The following GRIK4 variants were observed in gnomAD, a reference collection of about 807,000 sequenced individuals.
GRIK4 encodes the protein glutamate receptor ionotropic, kainate 4.
GRIK4 carries 40 observed loss-of-function variants against 104.9 expected under a neutral mutation model. That is an observed-to-expected ratio of 0.38 (90% CI 0.30 to 0.50). The LOEUF is 0.50. Among genes scored for constraint, GRIK4 ranks in the 20% least tolerant of loss-of-function variants. The pLI is 0.93. For synonymous variants in GRIK4, 485 were observed against 524.9 expected (o/e 0.92, Z 1.04); for missense variants, 1,047 against 1,308.1 (o/e 0.80, Z 3.08).
intron 3 of GRIK4, among the ~76,000 whole-genome samples, chr11:120,755,308 A>C (rs1265209973): frequency 6.6e-6 from 1 of 152,092 alleles, no homozygotes; most frequent in Non-Finnish European, 1.5e-5. Flanking sequence ...GGGAAGGAAG[A>C]GCTAACTGTT....
At chr11:120,861,359 C>T (rs550083896) in intron 8 of GRIK4, among the ~76,000 whole-genome samples, 6 of 152,174 alleles carry the variant, frequency 3.9e-5, no homozygotes, top group East Asian at 1.9e-4. Context: ...CCATCCTTCT[C>T]GGCCTCCCAA....
intron 1 of GRIK4, among the ~76,000 whole-genome samples, chr11:120,527,626 C>A (rs1305830033): frequency 6.6e-6 from 1 of 152,234 alleles, no homozygotes; most frequent in Admixed American, 6.5e-5. Context: ...CATTCAGGTG[C>A]TTTTGTTACC....
In GRIK4 at chr11:120,939,261, C is replaced by T. The variant is rs559164977; in HGVS notation, c.1477-1086C>T. On this transcript the variant is annotated intron_variant, in intron 13 of 20. Coordinates refer to ENST00000527524, the MANE Select transcript of GRIK4 (RefSeq NM_014619.5). The surrounding 1 kb of genome is among the most constrained non-coding windows in gnomAD (Gnocchi z 5.6). ...AGTATGAGGAAGTCTACATCTTTCC[C>T]AGAAGGGTTTAATTCAGGGCTAACT... 4.6e-5 allele frequency among the ~76,000 whole-genome samples: 7 copies of T among 152,254 alleles called. No homozygotes were observed. The East Asian group carries it at 5.8e-4, about 13-fold the overall frequency.
intron 8 of GRIK4, among the ~76,000 whole-genome samples, chr11:120,859,983 G>C (rs746548273): frequency 1.1e-4 from 16 of 152,250 alleles, no homozygotes; most frequent in Admixed American, 1.0e-3. Context: ...GCAGTGTCTG[G>C]AGCTGTGTGG....
At chr11:120,867,625 T>G (rs1954460148) in intron 9 of GRIK4, among the ~76,000 whole-genome samples, 1 of 152,002 alleles carries the variant, frequency 6.6e-6, no homozygotes, top group South Asian at 2.1e-4. Context: ...GCATTCTAAG[T>G]GGAGCTTTCT....
At chr11:120,676,609 C>T (rs898702485) in intron 3 of GRIK4, among the ~76,000 whole-genome samples, 1 of 152,192 alleles carries the variant, frequency 6.6e-6, no homozygotes, top group Non-Finnish European at 1.5e-5. Flanking sequence ...GGGAAGGAAT[C>T]CATTCCTGCA....
chr11:120,838,211 A>G (rs940785574), intron 8 of GRIK4, among the ~76,000 whole-genome samples: 5 of 152,210 alleles, frequency 3.3e-5, no homozygotes, highest in Admixed American at 6.5e-5. Context: ...CCCAGAGTCA[A>G]GTCCTGACTC....
chr11:120,657,075 T>A (rs1377518617), intron 2 of GRIK4, among the ~76,000 whole-genome samples: 6 of 152,362 alleles, frequency 3.9e-5, no homozygotes, highest in African/African-American at 1.4e-4. Flanking sequence ...TTAGTAGTAC[T>A]TTTATATAGC....
chr11:120,522,203 G>A, intron 1 of GRIK4, among the ~76,000 whole-genome samples: 1 of 152,252 alleles, frequency 6.6e-6, no homozygotes, highest in African/African-American at 2.4e-5. Context: ...GGGAGCACAT[G>A]AAAGCACCCA....
chr11:120,748,209 C>G (rs1265090754), intron 3 of GRIK4, among the ~76,000 whole-genome samples: 1 of 152,054 alleles, frequency 6.6e-6, no homozygotes, highest in Admixed American at 6.6e-5. Context: ...CCCTGCGTCC[C>G]TCCTCCTCTA....
chr11:120,781,603 T>G (rs1952158998), intron 3 of GRIK4, among the ~76,000 whole-genome samples: 1 of 152,058 alleles, frequency 6.6e-6, no homozygotes, highest in Non-Finnish European at 1.5e-5. Flanking sequence ...CCTCCCACCT[T>G]GGCCTCCCAA....
chr11:120,909,584 A>T (rs1179266385), intron 13 of GRIK4, among the ~76,000 whole-genome samples: 1 of 152,194 alleles, frequency 6.6e-6, no homozygotes, highest in Non-Finnish European at 1.5e-5. Flanking sequence ...GTGCCAGGGT[A>T]TGTATGGACA....
intron 3 of GRIK4, among the ~76,000 whole-genome samples, chr11:120,758,085 T>C (rs1041079408): frequency 6.6e-6 from 1 of 152,112 alleles, no homozygotes; most frequent in African/African-American, 2.4e-5. Context: ...CCCTGGGCAT[T>C]CCTTAAGGCT....
chr11:120,723,476 A>G (rs1387788587), intron 3 of GRIK4, among the ~76,000 whole-genome samples: 1 of 152,186 alleles, frequency 6.6e-6, no homozygotes, highest in East Asian at 1.9e-4. Context: ...AACCAGCTCT[A>G]TGGCCTCGGG....
At chr11:120,703,280 TA>T (rs1267203769) in intron 3 of GRIK4, among the ~76,000 whole-genome samples, 2 of 152,206 alleles carry the variant, frequency 1.3e-5, no homozygotes, top group Non-Finnish European at 2.9e-5. Context: ...ACACTAGATT[TA>T]AACCTGGGTG....
intron 1 of GRIK4, among the ~76,000 whole-genome samples, chr11:120,518,390 C>A (rs1287005763): frequency 6.6e-6 from 1 of 152,130 alleles, no homozygotes; most frequent in Non-Finnish European, 1.5e-5. Flanking sequence ...TAAGACTCTA[C>A]GGAATAGTGT....
chr11:120,869,540 G>C (rs1034690398), intron 9 of GRIK4: 2 of 152,286 alleles, frequency 1.3e-5, no homozygotes, highest in African/African-American at 4.8e-5. Flanking sequence ...AGGCATGCAC[G>C]GATCTCAGCA....
intron 3 of GRIK4, among the ~76,000 whole-genome samples, chr11:120,762,075 G>A (rs1246179362): frequency 2.0e-5 from 3 of 152,096 alleles, no homozygotes. Flanking sequence ...TCCTATCCAT[G>A]AGCATGGAAT....
intron 3 of GRIK4, among the ~76,000 whole-genome samples, chr11:120,789,142 C>G (rs1168261471): frequency 6.6e-6 from 1 of 152,086 alleles, no homozygotes; most frequent in African/African-American, 2.4e-5. Flanking sequence ...TCACCCTGAC[C>G]CTGGGGACTC....
Sources: allele counts gnomAD v4.1 joint callset (sites outside exome capture counted in the v4.1 genomes callset), GRCh38; gene constraint gnomAD v4.1.1; non-coding constraint Gnocchi (gnomAD v3.1); transcripts MANE v1.5; gene names NCBI Gene and HGNC (gene_info 2026-07-23, HGNC 2026-07-21).